PABPC4: variants seen among roughly 807,000 people sequenced by gnomAD.
PABPC4 encodes polyadenylate-binding protein 4.
In PABPC4, 15 loss-of-function variants were observed where a neutral mutation model predicts 74.5. That is an observed-to-expected ratio of 0.20 (90% CI 0.13 to 0.31). The LOEUF is 0.31. Among genes scored for constraint, PABPC4 ranks in the 10% least tolerant of loss-of-function variants. The probability of loss-of-function intolerance (pLI) is 1.00; values close to 1 mark genes in which losing one functional copy is unlikely to be tolerated. For synonymous variants in PABPC4, 345 were observed against 303.0 expected, an observed-to-expected ratio of 1.14 and a Z score of -1.44; for missense variants, 610 against 853.5, an observed-to-expected ratio of 0.71 and a Z score of 3.55.
rs1050234812 is a variant in PABPC4 at position 39,564,232 on chromosome 1, T to G, written c.1453+191A>C. On this transcript the variant is annotated intron_variant, in intron 10 of 15. Transcript: ENST00000372858. ...TAGGTCACCGATGAGCAAAGAATGT[T>G]AAAAGCAACTGACACACCTAGAACT... 1.0e-5 allele frequency: 7 copies of G among 679,542 alleles called. No homozygotes were observed. In the East Asian group the frequency reaches 1.9e-4, roughly 19 times the overall value. The allele number at this position is 679,542 out of a possible 1,614,324, so 42.1% of individuals were successfully genotyped here. A position where few individuals can be genotyped will look rare whatever the true frequency, so the allele number is the denominator to read the frequency against.
intron 1 of PABPC4, 145 bp downstream of exon 1, chr1:39,575,614 C>T: frequency 1.7e-6 from 1 of 595,904 alleles, no homozygotes; most frequent in Non-Finnish European, 2.8e-6. Context: ...GCCAGGTCCG[C>T]GTTCTCAATC....
chr1:39,567,280 A>T, intron 7 of PABPC4: 1 of 422,808 alleles, frequency 2.4e-6, no homozygotes, highest in South Asian at 1.8e-5. Context: ...ACATAGAAAA[A>T]CCTTCCACTC....
At chr1:39,571,141 G>A in intron 3 of PABPC4, 93 bp downstream of exon 3, 1 of 1,596,814 alleles carries the variant, frequency 6.3e-7, no homozygotes, top group Non-Finnish European at 8.5e-7. Context: ...CTTGGGCCGA[G>A]AACCAGTAGC....
At chr1:39,563,536 G>T in intron 12 of PABPC4, 78 bp downstream of exon 12, 4 of 1,532,176 alleles carry the variant, frequency 2.6e-6, no homozygotes, top group Non-Finnish European at 1.8e-6. Context: ...CCTGTTGAAG[G>T]AATCAAAAGC....
In PABPC4 at chr1:39,568,886, G is replaced by A. The variant is rs371428636; in HGVS notation, c.792C>T (p.Gly264=). ...KEISGKIIFV[G]RAQKKVERQA... is the part of the protein sequence containing the mutation. ...GCCGTTCTACTTTCTTTTGTGCACGGCCTACAAATATGATTTTACCACTTA... is the reference window on the plus strand; with the variant it reads ...GCCGTTCTACTTTCTTTTGTGCACGACCTACAAATATGATTTTACCACTTA... Residue 264 remains glycine, a synonymous_variant, in exon 6 of 16, where the codon GGC becomes GGT. Coordinates refer to ENST00000372858, the MANE Select transcript of PABPC4 (RefSeq NM_001135653.2). The A allele has an allele frequency of 1.1e-5, 17 of 1,613,692 alleles. No individual in the cohort carries two copies. The highest frequency in any genetic ancestry group is 1.7e-5 in the Admixed American group (1 of 59,958).
At chr1:39,566,654 C>A (rs1045479511) in intron 7 of PABPC4, among the ~76,000 whole-genome samples, 6 of 152,184 alleles carry the variant, frequency 3.9e-5, no homozygotes, top group Non-Finnish European at 8.8e-5. Flanking sequence ...TAACTCTCTA[C>A]CAATGAGATG....
chr1:39,561,814 G>T (rs940501597), intron 14 of PABPC4, 27 bp from the exon 15 acceptor site: 6 of 1,586,276 alleles, frequency 3.8e-6, no homozygotes, highest in South Asian at 3.3e-5. Flanking sequence ...GGTGGTCAGT[G>T]AATCTAGGAG....
intron 7 of PABPC4, 170 bp downstream of exon 7, chr1:39,567,581 A>ACC (rs2124453035): frequency 1.4e-6 from 1 of 697,568 alleles, no homozygotes; most frequent in East Asian, 2.6e-5. Flanking sequence ...TGTAATGTTA[A>ACC]CCTAATGAAA....
At chr1:39,573,782 G>A (rs750096877) in intron 1 of PABPC4, among the ~76,000 whole-genome samples, 3 of 152,170 alleles carry the variant, frequency 2.0e-5, no homozygotes, top group Non-Finnish European at 2.9e-5. Flanking sequence ...TCGCGCCATT[G>A]CACTCCAGCC....
chr1:39,576,164 C>T lies in PABPC4; in HGVS notation c.-213G>A. On this transcript the variant is annotated 5_prime_UTR_variant, in exon 1 of 16. Coordinates refer to ENST00000372858, the MANE Select transcript of PABPC4 (RefSeq NM_001135653.2). ...CGGCCGCAGCACCGCAGACAAAAGG[C>T]TCTCCGCACAATACGGCCCTCCCCG... 1 of 491,188 alleles carries T rather than the reference C, an allele frequency of 2.0e-6. No individual in the cohort carries two copies. 30.4% of individuals were successfully genotyped at this position (491,188 alleles called of 1,614,324 possible).
At chr1:39,571,167 A>G in intron 3 of PABPC4, 67 bp downstream of exon 3, 2 of 1,609,946 alleles carry the variant, frequency 1.2e-6, no homozygotes, top group Non-Finnish European at 1.7e-6. Context: ...TGTGTGTGCC[A>G]GTTAATAGCG....
chr1:39,561,430 T>A, intron 15 of PABPC4: 1 of 448,102 alleles, frequency 2.2e-6, no homozygotes, highest in Non-Finnish European at 4.1e-6. Context: ...TATTTTACTG[T>A]CTCTTCTTTC....
chr1:39,572,258 T>C, intron 2 of PABPC4, 135 bp downstream of exon 2: 1 of 694,512 alleles, frequency 1.4e-6, no homozygotes, highest in Non-Finnish European at 2.4e-6. Flanking sequence ...ATGGGAACTT[T>C]TAGGATTCCA....
intron 2 of PABPC4, among the ~76,000 whole-genome samples, chr1:39,571,936 CAA>C (rs1365655963): frequency 6.6e-6 from 1 of 152,174 alleles, no homozygotes; most frequent in East Asian, 1.9e-4. Context: ...ATGCAGAAAA[CAA>C]AACATTTTCC....
chr1:39,562,371 C>A lies in PABPC4; in HGVS notation c.1714G>T (p.Ala572Ser). 6.2e-7 allele frequency: 1 copy of A among 1,614,020 alleles called. No individual in the cohort carries two copies. Among genetic ancestry groups the A allele is most frequent in the Non-Finnish European group, 8.5e-7 (1 of 1,180,006 alleles). ...VHVQGQEPLTASMLAAAPPQE... is the reference protein window; with the variant it reads ...VHVQGQEPLTSSMLAAAPPQE... Reference sequence around the variant, plus strand: ...GGGGGTGCTGCAGCCAGCATGGAGGCAGTCAGTGGCTCCTGCCCCTGCACA... The same window carrying A: ...GGGGGTGCTGCAGCCAGCATGGAGGAAGTCAGTGGCTCCTGCCCCTGCACA... Residue 572 changes from alanine to serine, a missense_variant, in exon 13 of 16, where the codon GCC (alanine) becomes TCC (serine). This residue lies in a region of PABPC4 where 277 missense variants were observed against 301.8 expected (regional missense o/e 0.92). Coordinates refer to ENST00000372858, the MANE Select transcript of PABPC4 (RefSeq NM_001135653.2).
intron 6 of PABPC4, 157 bp downstream of exon 6, chr1:39,568,645 G>A (rs1645889614): frequency 4.6e-6 from 3 of 658,216 alleles, no homozygotes; most frequent in Non-Finnish European, 5.3e-6. Context: ...TCAGTCATAT[G>A]TAGTAGGTAT....
chr1:39,561,655 AG>A (rs1311208443), intron 15 of PABPC4, 29 bp downstream of exon 15: 2 of 1,480,882 alleles, frequency 1.4e-6, no homozygotes, highest in Admixed American at 1.7e-5. Context: ...CAATGCTCAT[AG>A]GAACAAAAAT....
chr1:39,562,464 C>A (rs1003926190), intron 12 of PABPC4, 48 bp from the exon 13 acceptor site: 2 of 1,367,764 alleles, frequency 1.5e-6, no homozygotes, highest in Admixed American at 1.8e-5. Context: ...AAGGACAACA[C>A]CTGATGGTGG....
intron 6 of PABPC4, 113 bp downstream of exon 6, chr1:39,568,689 T>C: frequency 2.1e-6 from 2 of 943,938 alleles, no homozygotes; most frequent in East Asian, 4.8e-5. Flanking sequence ...TTAGGTAAAA[T>C]GGGAAGAAGA....
Sources: allele counts gnomAD v4.1 joint callset (sites outside exome capture counted in the v4.1 genomes callset), GRCh38; gene constraint gnomAD v4.1.1; regional missense constraint gnomAD v4.1.1; transcripts MANE v1.5; gene names NCBI Gene and HGNC (gene_info 2026-07-23, HGNC 2026-07-21).